ARHGAP10: variants seen among roughly 807,000 people sequenced by gnomAD.
ARHGAP10 encodes the protein rho GTPase-activating protein 10.
In ARHGAP10, 87 loss-of-function variants were observed where a neutral mutation model predicts 108.6. The observed-to-expected ratio is 0.80, with a 90% CI of 0.67 to 0.96. The LOEUF is 0.96. ARHGAP10 is among the 40% of genes least tolerant of loss of function. The probability of loss-of-function intolerance (pLI) is 0.00; values close to 1 mark genes in which losing one functional copy is unlikely to be tolerated. For missense variants in ARHGAP10, 939 were observed against 954.5 expected, an observed-to-expected ratio of 0.98 and a Z score of 0.21; for synonymous variants, 347 against 341.1, an observed-to-expected ratio of 1.02 and a Z score of -0.19.
chr4:147,954,054 AAAAC>A (rs1462327837), intron 15 of ARHGAP10, among the ~76,000 whole-genome samples: 1 of 152,042 alleles, frequency 6.6e-6, no homozygotes, highest in Non-Finnish European at 1.5e-5. Context: ...TTGTAATCAA[AAAAC>A]AAACTCTGTG....
chr4:147,991,329 A>G (rs990444288), intron 18 of ARHGAP10, among the ~76,000 whole-genome samples: 1 of 152,132 alleles, frequency 6.6e-6, no homozygotes, highest in Non-Finnish European at 1.5e-5. Flanking sequence ...CCCTGTAGTG[A>G]GAATATGCAG....
intron 3 of ARHGAP10, among the ~76,000 whole-genome samples, 178 bp downstream of exon 3, chr4:147,823,135 C>CGGTCA (rs1162929738): frequency 6.6e-6 from 1 of 152,172 alleles, no homozygotes; most frequent in African/African-American, 2.4e-5. Flanking sequence ...GTGCTGACCA[C>CGGTCA]GGTCAGAACT....
At position 147,819,153 on chromosome 4, in the gene ARHGAP10, A is replaced by G. The variant is rs182458528; in HGVS notation, c.155-3574A>G. Among the ~76,000 whole-genome samples, 18 of 152,354 alleles carry G rather than the reference A, an allele frequency of 1.2e-4. No homozygotes were observed. The East Asian group carries it at 3.1e-3, about 26-fold the overall frequency. On this transcript the variant is annotated intron_variant, in intron 1 of 22. Transcript: ENST00000336498. The stretch of plus-strand genomic sequence containing the variant: ...AAATGCTGAAAAATTGGTGCATTTC[A>G]GTTTTAACTTTCCAGAGAACCTACT...
At chr4:147,945,802 GA>G (rs908211443) in intron 14 of ARHGAP10, among the ~76,000 whole-genome samples, 2 of 152,110 alleles carry the variant, frequency 1.3e-5, no homozygotes, top group Non-Finnish European at 2.9e-5. Flanking sequence ...TCATCACCAG[GA>G]AAAATTAGAC....
intron 10 of ARHGAP10, among the ~76,000 whole-genome samples, chr4:147,885,474 T>C (rs1030195123): frequency 2.0e-5 from 3 of 152,162 alleles, no homozygotes; most frequent in Non-Finnish European, 2.9e-5. Flanking sequence ...TCCCACCAGG[T>C]CCCTCCCACA....
chr4:148,035,709 A>G (rs992667799), intron 19 of ARHGAP10, among the ~76,000 whole-genome samples: 2 of 152,196 alleles, frequency 1.3e-5, no homozygotes, highest in Non-Finnish European at 2.9e-5. Flanking sequence ...TGCGGCAGTT[A>G]TAACCTGCAT....
In ARHGAP10 at chr4:148,040,789, G is replaced by A. The variant is rs1209236163; in HGVS notation, c.1868-6103G>A. 4.0e-5 allele frequency among the ~76,000 whole-genome samples: 6 copies of A among 150,842 alleles called. No homozygotes were observed. In the East Asian group the frequency reaches 9.7e-4, roughly 24 times the overall value. ...GTAACAAGTTTATCAGGGAAGTTAT[G>A]TATTTTTATTTATTAAAAAAGATTT... On this transcript the variant is annotated intron_variant, in intron 19 of 22. Transcript: ENST00000336498.
At chr4:148,038,146 G>C (rs1322949836) in intron 19 of ARHGAP10, among the ~76,000 whole-genome samples, 1 of 152,080 alleles carries the variant, frequency 6.6e-6, no homozygotes, top group Non-Finnish European at 1.5e-5. Flanking sequence ...CTTTATTTTA[G>C]CAGAGTAGAA....
At chr4:148,041,776 G>A (rs187952539) in intron 19 of ARHGAP10, among the ~76,000 whole-genome samples, 184 of 152,304 alleles carry the variant, frequency 1.2e-3, no homozygotes, top group African/African-American at 4.0e-3. Flanking sequence ...ATTGTGGTCA[G>A]TTTTTATGAG....
chr4:147,770,188 A>C (rs1730015013), intron 1 of ARHGAP10, among the ~76,000 whole-genome samples: 1 of 152,324 alleles, frequency 6.6e-6, no homozygotes, highest in East Asian at 1.9e-4. Context: ...GCTCAACTCC[A>C]GTCTGTAGAC....
chr4:147,784,493 TTA>T (rs1349486187), intron 1 of ARHGAP10, among the ~76,000 whole-genome samples: 1 of 114,108 alleles, frequency 8.8e-6, no homozygotes, highest in Non-Finnish European at 1.6e-5. Flanking sequence ...TATATTTAAT[TTA>T]TATATAATAT....
chr4:147,887,653 G>A (rs1355860253), intron 10 of ARHGAP10, among the ~76,000 whole-genome samples: 3 of 152,042 alleles, frequency 2.0e-5, no homozygotes, highest in Non-Finnish European at 4.4e-5. Context: ...CCTGAGGTCA[G>A]GAGTGCAAGA....
At chr4:147,923,037 G>A (rs1578693811) in intron 13 of ARHGAP10, among the ~76,000 whole-genome samples, 2 of 152,298 alleles carry the variant, frequency 1.3e-5, no homozygotes, top group South Asian at 2.1e-4. Flanking sequence ...TTTTGCTTCA[G>A]TATTCAGATT....
At chr4:147,870,710 A>G (rs1442247253) in intron 7 of ARHGAP10, among the ~76,000 whole-genome samples, 1 of 152,196 alleles carries the variant, frequency 6.6e-6, no homozygotes, top group Non-Finnish European at 1.5e-5. Flanking sequence ...ATATTTTAAG[A>G]AACTAATTTT....
At chr4:147,888,226 T>C (rs543237050) in intron 10 of ARHGAP10, among the ~76,000 whole-genome samples, 2 of 152,344 alleles carry the variant, frequency 1.3e-5, no homozygotes, top group East Asian at 3.9e-4. Context: ...CCTTGTCCAG[T>C]CTTACGACTT....
intron 4 of ARHGAP10, among the ~76,000 whole-genome samples, chr4:147,855,585 A>G (rs1044167145): frequency 7.2e-5 from 11 of 152,086 alleles, no homozygotes; most frequent in Non-Finnish European, 1.3e-4. Flanking sequence ...TGGGTGAACC[A>G]TAGGATCACA....
At chr4:147,794,267 A>G (rs866032236) in intron 1 of ARHGAP10, among the ~76,000 whole-genome samples, 1 of 152,244 alleles carries the variant, frequency 6.6e-6, no homozygotes. Flanking sequence ...TGTTGTCAGC[A>G]TTAGGAGGAT....
intron 13 of ARHGAP10, among the ~76,000 whole-genome samples, chr4:147,936,621 G>A (rs982912752): frequency 2.4e-4 from 37 of 152,090 alleles, no homozygotes; most frequent in Admixed American, 9.8e-4. Context: ...GAGCCACCGC[G>A]CCCGGCCCTT....
chr4:148,055,906 T>G (rs1190717743), intron 20 of ARHGAP10, among the ~76,000 whole-genome samples: 1 of 151,988 alleles, frequency 6.6e-6, no homozygotes, highest in Non-Finnish European at 1.5e-5. Context: ...TGGAGGGGAT[T>G]CTCCATCCGA....
Sources: gnomAD v4.1 joint callset for allele counts (sites outside exome capture counted in the v4.1 genomes callset) on GRCh38, gnomAD v4.1.1 for gene constraint, MANE v1.5 for transcripts, NCBI Gene and HGNC (gene_info 2026-07-23, HGNC 2026-07-21) for gene names.